FBXL2: variants seen among roughly 807,000 people sequenced by gnomAD.
FBXL2 encodes F-box and leucine rich repeat protein 2, also known as F-box/LRR-repeat protein 2.
Under a neutral mutation model 69.2 loss-of-function variants are expected in FBXL2, and 38 were observed. That is an observed-to-expected ratio of 0.55 (90% CI 0.42 to 0.72). The LOEUF (loss-of-function observed/expected upper bound fraction) is 0.72. Ranked by LOEUF, FBXL2 falls within the 30% of genes least tolerant of loss-of-function variation. The pLI is 0.00. For missense variants in FBXL2, 354 were observed against 520.3 expected (o/e 0.68, Z 3.11); for synonymous variants, 192 against 201.3 (o/e 0.95, Z 0.39).
chr3:33,313,260 T>G (rs113879372), intron 2 of FBXL2, among the ~76,000 whole-genome samples: 1 of 152,132 alleles, frequency 6.6e-6, no homozygotes, highest in Non-Finnish European at 1.5e-5. Flanking sequence ...ATTCTTTTTT[T>G]TTTTAATTTT....
chr3:33,389,345 T>G (rs552555006), downstream of FBXL2: 5 of 152,654 alleles, frequency 3.3e-5, no homozygotes, highest in African/African-American at 1.2e-4. Flanking sequence ...AAATTCATCT[T>G]GTTCATAATG....
intron 9 of FBXL2, 42 bp downstream of exon 9, chr3:33,373,963 G>T (rs1362115895): frequency 1.9e-6 from 3 of 1,601,322 alleles, no homozygotes; most frequent in East Asian, 4.5e-5. Context: ...GCTCTATCTT[G>T]TCTCCCAAAG....
In FBXL2 at chr3:33,387,912, C is replaced by A. The variant is rs13065359; in HGVS notation, c.*2304C>A. 0.37 allele frequency: 55,100 copies of A among 150,958 alleles called. 10,313 individuals are homozygous for A. The highest frequency in any genetic ancestry group is 0.48 in the East Asian group (2,418 of 5,074). The allele number at this position is 150,958 out of a possible 1,614,324, so 9.4% of individuals were successfully genotyped here. A position where few individuals can be genotyped will look rare whatever the true frequency, so the allele number is the denominator to read the frequency against. On this transcript the variant is annotated 3_prime_UTR_variant, in exon 15 of 15. Coordinates refer to ENST00000484457, the MANE Select transcript of FBXL2 (RefSeq NM_012157.5). ...TGAAACCCCGTCTCTACTAAAAATACAAAAAAAATTAGCCGGGCATAGTGG... is the reference window on the plus strand; with the variant it reads ...TGAAACCCCGTCTCTACTAAAAATAAAAAAAAAATTAGCCGGGCATAGTGG...
At chr3:33,346,439 G>A (rs1003691442) in intron 2 of FBXL2, among the ~76,000 whole-genome samples, 6 of 151,880 alleles carry the variant, frequency 4.0e-5, no homozygotes, top group African/African-American at 1.5e-4. Flanking sequence ...GGGGATGGTG[G>A]CATGTGCCTG....
intron 12 of FBXL2, chr3:33,400,089 T>C (rs1249094749): frequency 2.9e-6 from 2 of 681,036 alleles, no homozygotes; most frequent in Non-Finnish European, 4.3e-6. Context: ...CAACTTCCTA[T>C]CCATAGTTAT....
intron 1 of FBXL2, among the ~76,000 whole-genome samples, chr3:33,284,477 A>G (rs1009365063): frequency 3.9e-5 from 6 of 152,040 alleles, no homozygotes; most frequent in Admixed American, 2.6e-4. Flanking sequence ...TATGTGGTCA[A>G]TTTTGGAATA....
chr3:33,313,478 C>T (rs1455775687), intron 2 of FBXL2, among the ~76,000 whole-genome samples: 1 of 152,136 alleles, frequency 6.6e-6, no homozygotes, highest in African/African-American at 2.4e-5. Flanking sequence ...TAGGGTCTCA[C>T]TCTGTCACCC....
At chr3:33,399,271 G>A (rs545048497) in intron 12 of FBXL2, among the ~76,000 whole-genome samples, 1 of 152,310 alleles carries the variant, frequency 6.6e-6, no homozygotes, top group East Asian at 1.9e-4. Flanking sequence ...ATATATTTGG[G>A]AAATGCTACC....
At chr3:33,335,738 A>G (rs921056675) in intron 2 of FBXL2, among the ~76,000 whole-genome samples, 33 of 152,326 alleles carry the variant, frequency 2.2e-4, no homozygotes, top group African/African-American at 7.5e-4. Flanking sequence ...AGTAGATGGG[A>G]CAAATGGGAA....
At chr3:33,342,181 T>A (rs1198531208) in intron 2 of FBXL2, among the ~76,000 whole-genome samples, 4 of 151,044 alleles carry the variant, frequency 2.6e-5, no homozygotes, top group Non-Finnish European at 4.4e-5. Flanking sequence ...ATTTTTTGTA[T>A]TTTTTAGTAG....
At position 33,375,282 on chromosome 3, in the gene FBXL2, C is replaced by T. The variant is rs745480695; in HGVS notation, c.658-6C>T. 6.2e-7 allele frequency: 1 copy of T among 1,610,868 alleles called. No individual in the cohort carries two copies. Among genetic ancestry groups the T allele is most frequent in the Admixed American group, 1.7e-5 (1 of 59,982 alleles). The stretch of plus-strand genomic sequence containing the variant: ...TGACTTTTCTTTCTGTGCTGCTTTT[C>T]CTCAGCGTATCACGGATGAAGGTGT... On this transcript the variant is annotated splice_region_variant and splice_polypyrimidine_tract_variant and intron_variant, in intron 9 of 14. Transcript: ENST00000484457.
chr3:33,281,190 C>T (rs925857519), intron 1 of FBXL2, among the ~76,000 whole-genome samples: 2 of 152,048 alleles, frequency 1.3e-5, no homozygotes, highest in African/African-American at 2.4e-5. Flanking sequence ...GCTATCCCTC[C>T]GCCCTCCCCC....
chr3:33,396,149 C>T (rs202019607), intron 12 of FBXL2: 10 of 1,552,632 alleles, frequency 6.4e-6, no homozygotes, highest in East Asian at 4.6e-5. Flanking sequence ...ATTGAGATGC[C>T]CTCAATACCT....
chr3:33,401,745 G>C (rs1481505188), intron 12 of FBXL2, among the ~76,000 whole-genome samples: 1 of 152,172 alleles, frequency 6.6e-6, no homozygotes, highest in Non-Finnish European at 1.5e-5. Context: ...AGAACACTTA[G>C]AACAGTGCTG....
At chr3:33,383,940 C>G in intron 13 of FBXL2, 49 bp from the exon 14 acceptor site, 1 of 1,578,142 alleles carries the variant, frequency 6.3e-7, no homozygotes, top group Non-Finnish European at 8.7e-7. Flanking sequence ...AGGACTTGAG[C>G]CTTGGAATAA....
At position 33,400,931 on chromosome 3, in the gene FBXL2, C is replaced by T. The variant is rs773355116; in HGVS notation, n.1215-2303C>T. 1.9e-6 allele frequency: 3 copies of T among 1,585,774 alleles called. No homozygotes were observed. The African/African-American group carries it at 4.1e-5, about 22-fold the overall frequency. ...ACTTTAAAATGTAGAACCCTGAAAG[C>T]ATCAGATAGTTTTAGGAGAAAGATA... On this transcript the variant is annotated intron_variant and non_coding_transcript_variant, in intron 12 of 12. Coordinates refer to the FBXL2 transcript ENST00000463736.
chr3:33,288,661 G>A (rs1051547506), intron 1 of FBXL2, among the ~76,000 whole-genome samples: 2 of 152,208 alleles, frequency 1.3e-5, no homozygotes, highest in African/African-American at 4.8e-5. Flanking sequence ...TGGATGAACA[G>A]CAAGAAAACC....
chr3:33,281,365 G>T (rs2033983524), intron 1 of FBXL2, among the ~76,000 whole-genome samples: 1 of 152,180 alleles, frequency 6.6e-6, no homozygotes, highest in Non-Finnish European at 1.5e-5. Context: ...CCTTGCAAAG[G>T]ACATGAACTC....
At chr3:33,351,860 T>C (rs1475492311) in intron 2 of FBXL2, among the ~76,000 whole-genome samples, 1 of 151,912 alleles carries the variant, frequency 6.6e-6, no homozygotes, top group Non-Finnish European at 1.5e-5. Context: ...GTGCAGTGGC[T>C]TGTGCCTATA....
Sources: gnomAD v4.1 joint callset for allele counts (sites outside exome capture counted in the v4.1 genomes callset) on GRCh38, gnomAD v4.1.1 for gene constraint, MANE v1.5 for transcripts, NCBI Gene and HGNC (gene_info 2026-07-23, HGNC 2026-07-21) for gene names.